RASGRP1: variants seen among roughly 807,000 people sequenced by gnomAD.
The protein encoded by RASGRP1 is RAS guanyl-releasing protein 1.
Under a neutral mutation model 95.1 loss-of-function variants are expected in RASGRP1, and 37 were observed. That is an observed-to-expected ratio of 0.39 (90% CI 0.30 to 0.51). The LOEUF is 0.51. Ranked by LOEUF, RASGRP1 falls within the 20% of genes least tolerant of loss-of-function variation. The pLI is 0.80. For missense variants in RASGRP1, 711 were observed against 965.4 expected, an observed-to-expected ratio of 0.74 and a Z score of 3.49; for synonymous variants, 325 against 353.4, an observed-to-expected ratio of 0.92 and a Z score of 0.90.
intron 14 of RASGRP1, 36 bp downstream of exon 14, chr15:38,500,067 A>C (rs778028149): frequency 6.2e-7 from 1 of 1,604,666 alleles, no homozygotes; most frequent in Non-Finnish European, 8.5e-7. Context: ...GAATGGACTG[A>C]TACACCAGGA....
At chr15:38,502,919 C>T in intron 11 of RASGRP1, 1 of 295,074 alleles carries the variant, frequency 3.4e-6, no homozygotes, top group Non-Finnish European at 6.3e-6. Flanking sequence ...GCAATTAGCA[C>T]AGAGAATTGA....
At position 38,502,299 on chromosome 15, in the gene RASGRP1, T is replaced by C; in HGVS notation, c.1538+13A>G. On this transcript the variant is annotated intron_variant, in intron 12 of 16. Coordinates refer to ENST00000310803, the MANE Select transcript of RASGRP1 (RefSeq NM_005739.4). ...GGGCTCATAACCACATATTCCTAAG[T>C]ACAAACCCTCACCTGTCTTTGTCCA... The C allele has an allele frequency of 6.5e-7, 1 of 1,537,496 alleles. No individual in the cohort carries two copies. The highest frequency in any genetic ancestry group is 9.0e-7 in the Non-Finnish European group (1 of 1,111,498).
At chr15:38,498,760 C>T (rs1371652658) in intron 15 of RASGRP1, 34 bp downstream of exon 15, 2 of 1,600,364 alleles carry the variant, frequency 1.2e-6, no homozygotes, top group African/African-American at 1.3e-5. Flanking sequence ...TCCTACTTCA[C>T]TTTCCAAGAT....
At chr15:38,538,538 C>G (rs1595869642) in intron 2 of RASGRP1, among the ~76,000 whole-genome samples, 1 of 152,218 alleles carries the variant, frequency 6.6e-6, no homozygotes, top group African/African-American at 2.4e-5. Flanking sequence ...GTACCAGACA[C>G]TGTTTCAAGA....
At chr15:38,552,723 A>G (rs926707579) in intron 2 of RASGRP1, among the ~76,000 whole-genome samples, 3 of 152,266 alleles carry the variant, frequency 2.0e-5, no homozygotes, top group Admixed American at 2.0e-4. Context: ...GTAAGCATAT[A>G]TAACTTAATT....
At chr15:38,514,391 C>T (rs891843401) in intron 6 of RASGRP1, among the ~76,000 whole-genome samples, 4 of 152,028 alleles carry the variant, frequency 2.6e-5, no homozygotes, top group African/African-American at 7.2e-5. Flanking sequence ...TAATATATTC[C>T]AGTGAATACA....
At chr15:38,516,117 A>G in intron 6 of RASGRP1, 80 bp downstream of exon 6, 3 of 1,471,982 alleles carry the variant, frequency 2.0e-6, no homozygotes, top group Non-Finnish European at 2.8e-6. Flanking sequence ...AAGGTTATGA[A>G]GCGGATGGGC....
At chr15:38,493,649 ATTG>A (rs1446275989) in intron 16 of RASGRP1, among the ~76,000 whole-genome samples, 2 of 152,100 alleles carry the variant, frequency 1.3e-5, no homozygotes, top group Non-Finnish European at 2.9e-5. Flanking sequence ...TCTTGTCATG[ATTG>A]TTAACATTTT....
At chr15:38,499,969 C>T in intron 14 of RASGRP1, 134 bp downstream of exon 14, 2 of 796,184 alleles carry the variant, frequency 2.5e-6, no homozygotes, top group Non-Finnish European at 4.1e-6. Context: ...TTTCCTTAGG[C>T]CTCACCAGCC....
At chr15:38,506,025 G>A in intron 9 of RASGRP1, 105 bp from the exon 10 acceptor site, 1 of 852,548 alleles carries the variant, frequency 1.2e-6, no homozygotes, top group Non-Finnish European at 1.9e-6. Flanking sequence ...TACTCTTTTA[G>A]GTTCTAAACA....
intron 2 of RASGRP1, 142 bp downstream of exon 2, chr15:38,559,679 A>T: frequency 2.4e-6 from 2 of 848,556 alleles, no homozygotes; most frequent in Non-Finnish European, 3.6e-6. Flanking sequence ...TAGGCTCTGC[A>T]GACTGTCTCC....
chr15:38,554,821 C>T (rs72727394), intron 2 of RASGRP1, among the ~76,000 whole-genome samples: 26,060 of 152,234 alleles, frequency 0.17, 2,577 homozygotes, highest in Middle Eastern at 0.23. Flanking sequence ...CTTGTAGCCA[C>T]GACTACTAGC....
intron 2 of RASGRP1, among the ~76,000 whole-genome samples, chr15:38,532,689 C>T (rs1233490923): frequency 6.6e-6 from 1 of 152,160 alleles, no homozygotes; most frequent in East Asian, 1.9e-4. Context: ...CCTAACTATT[C>T]TATATAGCAA....
chr15:38,507,930 C>G lies in RASGRP1; in HGVS notation c.1038G>C (p.Glu346Asp). 1 of 1,612,962 alleles carries G rather than the reference C, an allele frequency of 6.2e-7. No individual in the cohort carries two copies. Among genetic ancestry groups the G allele is most frequent in the Non-Finnish European group, 8.5e-7 (1 of 1,179,590 alleles). ...GAATGGGGATCTTGAAGTCGGTGCA[C>G]TCTCCATAGGCTCGCCGGTAATTGT... ...NYDNYRRAYGECTDFKIPILG... is the reference protein window; with the variant it reads ...NYDNYRRAYGDCTDFKIPILG... The change falls in exon 9 of 17, where the codon GAG becomes GAC. Residue 346 changes from glutamate to aspartate, a missense_variant. Physicochemically the swap from Glu to Asp is conservative, Grantham distance 45. Coordinates refer to ENST00000310803, the MANE Select transcript of RASGRP1 (RefSeq NM_005739.4).
chr15:38,548,453 A>G (rs1390576602), intron 2 of RASGRP1, among the ~76,000 whole-genome samples: 2 of 152,298 alleles, frequency 1.3e-5, no homozygotes, highest in African/African-American at 4.8e-5. Flanking sequence ...ACATGCTTAT[A>G]GTCCCAGCTA....
At chr15:38,555,668 T>C (rs1893527116) in intron 2 of RASGRP1, among the ~76,000 whole-genome samples, 1 of 126,892 alleles carries the variant, frequency 7.9e-6, no homozygotes, top group Admixed American at 7.8e-5. Flanking sequence ...GAGAGTAATA[T>C]CTGACCTGCC....
Position 38,549,242 on chromosome 15 carries a change from G to A in RASGRP1, c.220+10579C>T, listed in dbSNP as rs995826774. 5.3e-5 allele frequency among the ~76,000 whole-genome samples: 8 copies of A among 152,326 alleles called. No individual in the cohort carries two copies. In the East Asian group the frequency reaches 7.7e-4, roughly 15 times the overall value. On this transcript the variant is annotated intron_variant, in intron 2 of 16. Transcript: ENST00000310803. ...TGTGGTGCTCATGAACTGGGAAGGA[G>A]GAAGGGCAGAGAGTGTGAAAAATCC...
chr15:38,506,045 T>C (rs4465567), intron 9 of RASGRP1, 125 bp from the exon 10 acceptor site: 253,117 of 700,122 alleles, frequency 0.36, 50,294 homozygotes, highest in East Asian at 0.7. Context: ...AGTTTGTTTT[T>C]AAAAGTCACA....
chr15:38,488,246 C>T lies in RASGRP1; in HGVS notation c.*2308G>A, dbSNP rs1890430432. ...TTTTGAGACAGAAATTCACAACGGT[C>T]AGTAAAAAGGTAAGTCAGCAAAGAA... is the stretch of plus-strand genomic sequence containing the variant. On this transcript the variant is annotated 3_prime_UTR_variant, in exon 17 of 17. Transcript: ENST00000310803. 1.3e-5 allele frequency: 2 copies of T among 151,896 alleles called. No homozygotes were observed. The highest frequency in any genetic ancestry group is 1.3e-4 in the Admixed American group (2 of 15,248). 9.4% of individuals were successfully genotyped at this position (151,896 alleles called of 1,614,324 possible).
Sources: gnomAD v4.1 joint callset for allele counts (sites outside exome capture counted in the v4.1 genomes callset) on GRCh38, gnomAD v4.1.1 for gene constraint, MANE v1.5 for transcripts, NCBI Gene and HGNC (gene_info 2026-07-23, HGNC 2026-07-21) for gene names.